The following LMO3 variants were observed in gnomAD, a reference collection of about 807,000 sequenced individuals.
LMO3 encodes LIM domain only 3.
LMO3 carries 2 observed loss-of-function variants against 15.8 expected under a neutral mutation model. The observed-to-expected ratio is 0.13, with a 90% CI of 0.05 to 0.40. The LOEUF (loss-of-function observed/expected upper bound fraction) is 0.40. Among genes scored for constraint, LMO3 ranks in the 10% least tolerant of loss-of-function variants. The pLI, the probability that LMO3 is intolerant of heterozygous loss-of-function variation, is 0.99. For missense variants in LMO3, 86 were observed against 182.2 expected, an observed-to-expected ratio of 0.47 and a Z score of 3.04; for synonymous variants, 62 against 63.8, an observed-to-expected ratio of 0.97 and a Z score of 0.13.
At position 16,596,267 on chromosome 12, in the gene LMO3, A is replaced by G. The variant is rs1461923938; in HGVS notation, c.206+4388T>C. On this transcript the variant is annotated intron_variant, in intron 2 of 3. Transcript: ENST00000537304. This position sits in a 1 kb window ranked among gnomAD's most constrained non-coding sequence, Gnocchi z 4.3. ...TTTTAGTTAATTAGCAACTATGGTG[A>G]AGCATGAAGCATCACTCTTTCCCAG... Among the ~76,000 whole-genome samples, 1 of 151,596 alleles carries G rather than the reference A, an allele frequency of 6.6e-6. No individual in the cohort carries two copies. Among genetic ancestry groups the G allele is most frequent in the Non-Finnish European group, 1.5e-5 (1 of 67,594 alleles).
chr12:16,556,382 T>C (rs189401351), intron 3 of LMO3, among the ~76,000 whole-genome samples: 1 of 152,306 alleles, frequency 6.6e-6, no homozygotes, highest in Admixed American at 6.5e-5. Context: ...GATTCACGTT[T>C]TAGCTATACG....
intron 3 of LMO3, among the ~76,000 whole-genome samples, chr12:16,558,913 A>G (rs1296137861): frequency 1.3e-5 from 2 of 152,162 alleles, no homozygotes; most frequent in Non-Finnish European, 2.9e-5. Flanking sequence ...TAGTGTTTCT[A>G]TTTTATGGGT....
chr12:16,561,149 G>C (rs977471224), intron 2 of LMO3, among the ~76,000 whole-genome samples: 2 of 151,980 alleles, frequency 1.3e-5, no homozygotes, highest in Non-Finnish European at 2.9e-5. Flanking sequence ...GAAATTGAAG[G>C]ATAATATACT....
chr12:16,565,983 C>CAT (rs61358392), intron 2 of LMO3, among the ~76,000 whole-genome samples: 18 of 43,838 alleles, frequency 4.1e-4, no homozygotes, highest in Admixed American at 6.8e-4. Context: ...GAAAATGTGC[C>CAT]ATATATATAT....
At position 16,584,150 on chromosome 12, in the gene LMO3, C is replaced by T. The variant is rs1943247326; in HGVS notation, c.206+16505G>A. On this transcript the variant is annotated intron_variant, in intron 2 of 3. Transcript: ENST00000537304. The surrounding 1 kb of genome is among the most constrained non-coding windows in gnomAD (Gnocchi z 5.2). ...TAGAATTGTGGTAAGAGGGAAATGA[C>T]AGCAGTGAGTAGGGGTAAAAGGTAG... is the stretch of plus-strand genomic sequence containing the variant. Among the ~76,000 whole-genome samples the T allele has an allele frequency of 6.6e-6, 1 of 152,076 alleles. No homozygotes were observed. The highest frequency in any genetic ancestry group is 2.1e-4 in the South Asian group (1 of 4,822).
chr12:16,583,818 G>A (rs1943238570), intron 2 of LMO3, among the ~76,000 whole-genome samples: 1 of 152,130 alleles, frequency 6.6e-6, no homozygotes, highest in African/African-American at 2.4e-5. Flanking sequence ...GGAAGTGAAG[G>A]GGACTTGCCT....
chr12:16,591,433 A>G lies in LMO3; in HGVS notation c.206+9222T>C, dbSNP rs1235824846. The stretch of plus-strand genomic sequence containing the variant: ...TCTTGTACTGCTTCATTTTCTCCTC[A>G]TTGTGTTTATCATCTCCTCATGCCC... On this transcript the variant is annotated intron_variant, in intron 2 of 3. Transcript: ENST00000537304. This position sits in a 1 kb window ranked among gnomAD's most constrained non-coding sequence, Gnocchi z 4.1. Among the ~76,000 whole-genome samples the G allele has an allele frequency of 6.6e-6, 1 of 151,854 alleles. No homozygotes were observed. The highest frequency in any genetic ancestry group is 2.1e-4 in the South Asian group (1 of 4,806).
In LMO3 at chr12:16,589,914, T is replaced by C. The variant is rs1378617832; in HGVS notation, c.206+10741A>G. ...AAGCTCTCTGGCTACTGTCTCCGTC[T>C]AGCTTTCTGGGAAGTATGTGTTGGA... On this transcript the variant is annotated intron_variant, in intron 2 of 3. Coordinates refer to ENST00000537304, the MANE Select transcript of LMO3 (RefSeq NM_018640.5). The surrounding 1 kb of genome is among the most constrained non-coding windows in gnomAD (Gnocchi z 4.2). Among the ~76,000 whole-genome samples, 1 of 152,114 alleles carries C rather than the reference T, an allele frequency of 6.6e-6. No individual in the cohort carries two copies. Among genetic ancestry groups the C allele is most frequent in the African/African-American group, 2.4e-5 (1 of 41,428 alleles).
intron 2 of LMO3, among the ~76,000 whole-genome samples, chr12:16,581,187 G>A (rs1031767043): frequency 2.0e-4 from 31 of 152,110 alleles, no homozygotes; most frequent in Non-Finnish European, 1.3e-4. Context: ...TGGGGACCTC[G>A]GAGTAAGTCC....
In LMO3 at chr12:16,596,962, T is replaced by C. The variant is rs551144087; in HGVS notation, c.206+3693A>G. ...GATAGATTTTTAACAGATACATTTC[T>C]TGGTCTGCCTGGCATATAAATATTG... is the stretch of plus-strand genomic sequence containing the variant. On this transcript the variant is annotated intron_variant, in intron 2 of 3. Transcript: ENST00000537304. This position sits in a 1 kb window ranked among gnomAD's most constrained non-coding sequence, Gnocchi z 4.3. Among the ~76,000 whole-genome samples, 14 of 151,794 alleles carry C rather than the reference T, an allele frequency of 9.2e-5. No homozygotes were observed. Among genetic ancestry groups the C allele is most frequent in the Non-Finnish European group, 1.9e-4 (13 of 67,724 alleles).
chr12:16,605,338 A>G, intron 1 of LMO3: 1 of 1,157,988 alleles, frequency 8.6e-7, no homozygotes, highest in Admixed American at 4.4e-5. Flanking sequence ...GTCCCCGTAA[A>G]AAATGTGCTG....
chr12:16,577,976 T>G lies in LMO3; in HGVS notation c.207-17438A>C, dbSNP rs1462210552. Among the ~76,000 whole-genome samples, 4 of 152,220 alleles carry G rather than the reference T, an allele frequency of 2.6e-5. No individual in the cohort carries two copies. The East Asian group carries it at 7.7e-4, about 29-fold the overall frequency. On this transcript the variant is annotated intron_variant, in intron 2 of 3. Coordinates refer to ENST00000537304, the MANE Select transcript of LMO3 (RefSeq NM_018640.5). ...TTGAGTTTACCTGGGTATCCTGTAT[T>G]TTGTCTGGCAACACTACAACTAATT...
At chr12:16,594,210 C>T (rs1943577984) in intron 2 of LMO3, 3 of 1,530,914 alleles carry the variant, frequency 2.0e-6, no homozygotes, top group African/African-American at 1.4e-5. Context: ...ACACAGATTC[C>T]AATCTCTGTA....
At chr12:16,558,212 G>T (rs1160324625) in intron 3 of LMO3, among the ~76,000 whole-genome samples, 1 of 151,988 alleles carries the variant, frequency 6.6e-6, no homozygotes, top group African/African-American at 2.4e-5. Flanking sequence ...TTGTCCTATA[G>T]ACATAGGAAC....
chr12:16,605,763 C>A (rs1174265754), intron 1 of LMO3: 9 of 1,535,166 alleles, frequency 5.9e-6, no homozygotes, highest in South Asian at 1.2e-5. Context: ...CCACTCGAGT[C>A]GTACTTGAGA....
intron 2 of LMO3, among the ~76,000 whole-genome samples, chr12:16,594,720 G>T (rs1257434791): frequency 6.6e-6 from 1 of 151,556 alleles, no homozygotes; most frequent in South Asian, 2.1e-4. Flanking sequence ...TCATTTTTAT[G>T]TGAGGCAGAA....
chr12:16,564,181 C>T (rs1942506954), intron 2 of LMO3, among the ~76,000 whole-genome samples: 1 of 152,132 alleles, frequency 6.6e-6, no homozygotes. Context: ...AAAAATCAAA[C>T]AGACAACTTT....
At chr12:16,574,990 A>C (rs1343514640) in intron 2 of LMO3, among the ~76,000 whole-genome samples, 1 of 152,224 alleles carries the variant, frequency 6.6e-6, no homozygotes, top group East Asian at 1.9e-4. Flanking sequence ...AGTATGATAC[A>C]TAGTATGACA....
chr12:16,583,213 G>C (rs1348564173), intron 2 of LMO3, among the ~76,000 whole-genome samples: 1 of 152,180 alleles, frequency 6.6e-6, no homozygotes, highest in African/African-American at 2.4e-5. Flanking sequence ...AGTAACAGCA[G>C]TATCAGCAGA....
Sources: gnomAD v4.1 joint callset for allele counts (sites outside exome capture counted in the v4.1 genomes callset) on GRCh38, gnomAD v4.1.1 for gene constraint, Gnocchi (gnomAD v3.1) non-coding constraint, MANE v1.5 for transcripts, NCBI Gene and HGNC (gene_info 2026-07-23, HGNC 2026-07-21) for gene names.